EFNA5: variants seen among roughly 807,000 people sequenced by gnomAD.
EFNA5 encodes the protein ephrin-A5.
In EFNA5, 5 loss-of-function variants were observed where a neutral mutation model predicts 22.9. That is an observed-to-expected ratio of 0.22 (90% confidence interval 0.11 to 0.46). The LOEUF is 0.46. Among genes scored for constraint, EFNA5 ranks in the 20% least tolerant of loss-of-function variants. EFNA5 has a pLI of 0.99. For synonymous variants in EFNA5, 113 were observed against 112.2 expected (o/e 1.01, Z -0.04); for missense variants, 237 against 293.3 (o/e 0.81, Z 1.40).
intron 1 of EFNA5, among the ~76,000 whole-genome samples, chr5:107,593,837 A>G (rs1225552930): frequency 6.6e-6 from 1 of 152,230 alleles, no homozygotes; most frequent in Admixed American, 6.5e-5. Flanking sequence ...CTCCCACAAT[A>G]GCTCAGATCT....
At chr5:107,669,330 T>A (rs1215093836) in intron 1 of EFNA5, among the ~76,000 whole-genome samples, 1 of 151,688 alleles carries the variant, frequency 6.6e-6, no homozygotes, top group East Asian at 2.0e-4. Context: ...GAAAAACCTG[T>A]GACTTTAGAT....
rs527495111 is a variant in EFNA5 at position 107,452,957 on chromosome 5, G to A, written c.126-25448C>T. Among the ~76,000 whole-genome samples, 33 of 152,130 alleles carry A rather than the reference G, an allele frequency of 2.2e-4. 1 individual carries two copies. In the South Asian group the frequency reaches 6.6e-3, roughly 31 times the overall value. On this transcript the variant is annotated intron_variant, in intron 1 of 4. Transcript: ENST00000333274. Reference sequence around the variant, plus strand: ...GTGAAAAGAAAAGCTTGCCTGGCCTGATTTCTTTCTTTCTTCTTTTTAAAA... The same window carrying A: ...GTGAAAAGAAAAGCTTGCCTGGCCTAATTTCTTTCTTTCTTCTTTTTAAAA...
At chr5:107,482,353 C>A (rs978032073) in intron 1 of EFNA5, among the ~76,000 whole-genome samples, 12 of 151,322 alleles carry the variant, frequency 7.9e-5, no homozygotes, top group African/African-American at 2.9e-4. Flanking sequence ...GGCAAATATA[C>A]TTATCTGTTA....
chr5:107,461,385 C>T (rs1749830136), intron 1 of EFNA5, among the ~76,000 whole-genome samples: 1 of 152,046 alleles, frequency 6.6e-6, no homozygotes, highest in Non-Finnish European at 1.5e-5. Context: ...CAGCAAGGTA[C>T]CACTTAGTAA....
chr5:107,545,846 G>C (rs849520), intron 1 of EFNA5, among the ~76,000 whole-genome samples: 1 of 151,926 alleles, frequency 6.6e-6, no homozygotes, highest in African/African-American at 2.4e-5. Context: ...TTTCCTAATC[G>C]AAACACTGTC....
chr5:107,529,950 T>C (rs1221031640), intron 1 of EFNA5, among the ~76,000 whole-genome samples: 2 of 152,244 alleles, frequency 1.3e-5, no homozygotes, highest in Non-Finnish European at 2.9e-5. Context: ...GTCATTGCCT[T>C]ATGTACTTTA....
At chr5:107,653,539 A>G (rs1427873229) in intron 1 of EFNA5, among the ~76,000 whole-genome samples, 1 of 152,142 alleles carries the variant, frequency 6.6e-6, no homozygotes, top group Non-Finnish European at 1.5e-5. Flanking sequence ...TATTTACTTC[A>G]GTTTGGAGGC....
intron 1 of EFNA5, among the ~76,000 whole-genome samples, chr5:107,516,592 C>T (rs1747487003): frequency 6.6e-6 from 1 of 152,114 alleles, no homozygotes. Flanking sequence ...TTCTTTGATA[C>T]ACTACACATA....
At chr5:107,651,352 A>G (rs1249909693) in intron 1 of EFNA5, among the ~76,000 whole-genome samples, 2 of 152,176 alleles carry the variant, frequency 1.3e-5, no homozygotes, top group African/African-American at 2.4e-5. Context: ...AATGGGAGCT[A>G]TTCAAGTCAA....
intron 1 of EFNA5, among the ~76,000 whole-genome samples, chr5:107,558,578 A>C (rs1324272190): frequency 1.3e-5 from 2 of 152,188 alleles, no homozygotes; most frequent in Non-Finnish European, 1.5e-5. Flanking sequence ...TTAGAGGTTT[A>C]GATTTGAAGC....
Position 107,397,082 on chromosome 5 carries a change from TTAA to T in EFNA5, c.419-9314_419-9312del, listed in dbSNP as rs1354908626. On this transcript the variant is annotated intron_variant, in intron 2 of 4. Transcript: ENST00000333274. ...TATATAAATGTTCTCACTCCACTCTTTAATTTTTTTTTTTGTATACTATTTGGG... is the reference window on the plus strand; with the variant it reads ...TATATAAATGTTCTCACTCCACTCTTTTTTTTTTTTTGTATACTATTTGGG... Among the ~76,000 whole-genome samples, 97 of 136,322 alleles carry T rather than the reference TTAA, an allele frequency of 7.1e-4. No individual in the cohort carries two copies. In the South Asian group the frequency reaches 9.2e-3, roughly 13 times the overall value. 89.4% of individuals were successfully genotyped at this position (136,322 alleles called of 152,430 possible).
intron 1 of EFNA5, among the ~76,000 whole-genome samples, chr5:107,657,284 T>C (rs149306039): frequency 8.9e-4 from 135 of 152,260 alleles, no homozygotes; most frequent in Non-Finnish European, 1.6e-3. Flanking sequence ...TATTCCTAAA[T>C]TTAACAATCT....
intron 1 of EFNA5, among the ~76,000 whole-genome samples, chr5:107,624,817 C>T (rs1423054956): frequency 6.6e-6 from 1 of 152,062 alleles, no homozygotes; most frequent in Non-Finnish European, 1.5e-5. Context: ...GTGAGGTATT[C>T]ATTGTTTACC....
chr5:107,641,371 A>T (rs1183539590), intron 1 of EFNA5, among the ~76,000 whole-genome samples: 1 of 144,284 alleles, frequency 6.9e-6, no homozygotes, highest in Non-Finnish European at 1.5e-5. Flanking sequence ...AAAAAAAAAA[A>T]TGTAGAAATA....
intron 2 of EFNA5, among the ~76,000 whole-genome samples, chr5:107,420,598 GCT>G (rs1748630788): frequency 6.7e-6 from 1 of 149,738 alleles, no homozygotes; most frequent in South Asian, 2.1e-4. Flanking sequence ...TCCACTCTCT[GCT>G]TTGATGTTAT....
At position 107,623,168 on chromosome 5, in the gene EFNA5, A is replaced by G. The variant is rs376952284; in HGVS notation, c.125+47321T>C. ...GGTTTTACTTCCTTTTATTTCATCT[A>G]GAGGTACCAGTGAAGATGCTAATGA... On this transcript the variant is annotated intron_variant, in intron 1 of 4. Transcript: ENST00000333274. Among the ~76,000 whole-genome samples, 22 of 151,710 alleles carry G rather than the reference A, an allele frequency of 1.5e-4. 2 individuals carry two copies. The South Asian group carries it at 1.7e-3, about 12-fold the overall frequency.
At chr5:107,521,564 G>A (rs1561421082) in intron 1 of EFNA5, among the ~76,000 whole-genome samples, 1 of 149,300 alleles carries the variant, frequency 6.7e-6, no homozygotes, top group Non-Finnish European at 1.5e-5. Flanking sequence ...TCCCACCTCA[G>A]CCTCCCAAAG....
intron 2 of EFNA5, among the ~76,000 whole-genome samples, chr5:107,393,525 G>C (rs1033278724): frequency 2.6e-5 from 4 of 152,062 alleles, no homozygotes; most frequent in Admixed American, 2.6e-4. Flanking sequence ...GGGTACTTTG[G>C]GAAGTTTTAT....
chr5:107,399,730 C>G (rs1417865297), intron 2 of EFNA5, among the ~76,000 whole-genome samples: 2 of 152,162 alleles, frequency 1.3e-5, no homozygotes, highest in Non-Finnish European at 2.9e-5. Context: ...CCAAACTGTG[C>G]TGAGGGATAC....
Sources: gnomAD v4.1 joint callset for allele counts (sites outside exome capture counted in the v4.1 genomes callset) on GRCh38, gnomAD v4.1.1 for gene constraint, MANE v1.5 for transcripts, NCBI Gene and HGNC (gene_info 2026-07-23, HGNC 2026-07-21) for gene names.